BTBD9: variants seen among roughly 807,000 people sequenced by gnomAD.
The protein encoded by BTBD9 is BTB/POZ domain-containing protein 9.
A neutral mutation model predicts 64.3 loss-of-function variants in BTBD9; 49 were observed. The ratio of observed to expected loss-of-function variants is 0.76; its 90% CI spans 0.61 to 0.97. The LOEUF (loss-of-function observed/expected upper bound fraction) is 0.97. Ranked by LOEUF, BTBD9 falls within the 50% of genes least tolerant of loss-of-function variation. BTBD9 has a pLI of 0.00. For synonymous variants in BTBD9, 260 were observed against 274.7 expected, an observed-to-expected ratio of 0.95 and a Z score of 0.53; for missense variants, 598 against 762.1, an observed-to-expected ratio of 0.78 and a Z score of 2.53.
chr6:38,222,257 G>GT (rs1156925177), intron 9 of BTBD9, among the ~76,000 whole-genome samples: 1,708 of 114,252 alleles, frequency 0.015, 44 homozygotes, highest in Middle Eastern at 0.03. Context: ...TCATTCAGTT[G>GT]TTTTTTTTTT....
Position 38,465,461 on chromosome 6 carries a change from CAAAAAAAA to C in BTBD9, c.1154+112131_1154+112138del, listed in dbSNP as rs762391834. ...TGAAACCCCATCTCTACTAAAAATA[CAAAAAAAA>C]AAAAAAAAAAAATTAGCCGGGCGTG... On this transcript the variant is annotated intron_variant, in intron 6 of 10. Coordinates refer to ENST00000481247, the MANE Select transcript of BTBD9 (RefSeq NM_001099272.2). Among the ~76,000 whole-genome samples the C allele has an allele frequency of 1.6e-3, 105 of 67,494 alleles. 1 individual carries two copies. Among genetic ancestry groups the C allele is most frequent in the Admixed American group, 7.6e-4 (4 of 5,244 alleles). The allele number at this position is 67,494 out of a possible 152,430, so 44.3% of individuals were successfully genotyped here.
intron 6 of BTBD9, among the ~76,000 whole-genome samples, chr6:38,499,963 A>T (rs1772121833): frequency 6.6e-6 from 1 of 152,202 alleles, no homozygotes; most frequent in African/African-American, 2.4e-5. Context: ...TCCGTATCTT[A>T]GTTGAATACT....
intron 9 of BTBD9, among the ~76,000 whole-genome samples, chr6:38,245,285 T>C (rs1764144759): frequency 6.6e-6 from 1 of 152,166 alleles, no homozygotes; most frequent in East Asian, 1.9e-4. Flanking sequence ...CTTGGTTTTA[T>C]GAGAGGGGAT....
At chr6:38,536,501 A>G (rs893318149) in intron 6 of BTBD9, among the ~76,000 whole-genome samples, 1 of 152,186 alleles carries the variant, frequency 6.6e-6, no homozygotes, top group African/African-American at 2.4e-5. Context: ...AAAGGAAATC[A>G]GTATATCAGA....
intron 6 of BTBD9, among the ~76,000 whole-genome samples, chr6:38,370,239 G>A (rs7755429): frequency 0.67 from 102,064 of 152,108 alleles, 35,446 homozygotes; most frequent in East Asian, 0.96. Flanking sequence ...TACTCACTCA[G>A]CCTGCCTCTT....
At chr6:38,402,575 C>T (rs185807587) in intron 6 of BTBD9, among the ~76,000 whole-genome samples, 18 of 152,258 alleles carry the variant, frequency 1.2e-4, no homozygotes, top group African/African-American at 4.3e-4. Context: ...CAAGACAATT[C>T]AAAGGGGAAA....
intron 6 of BTBD9, among the ~76,000 whole-genome samples, chr6:38,362,411 A>G (rs146896219): frequency 6.6e-6 from 1 of 152,370 alleles, no homozygotes; most frequent in East Asian, 1.9e-4. Flanking sequence ...GGAATGCACT[A>G]AAATGTTTAC....
chr6:38,465,169 C>T (rs909083237), intron 6 of BTBD9, among the ~76,000 whole-genome samples: 4 of 151,778 alleles, frequency 2.6e-5, no homozygotes, highest in Non-Finnish European at 4.4e-5. Context: ...GTGGTGTGTG[C>T]CTGTAGTCCC....
At chr6:38,639,604 G>C (rs999984118) in intron 1 of BTBD9, among the ~76,000 whole-genome samples, 196 bp downstream of exon 1, 1 of 152,128 alleles carries the variant, frequency 6.6e-6, no homozygotes, top group Non-Finnish European at 1.5e-5. Flanking sequence ...GACTGCGAAC[G>C]GGACGGCTAC....
At chr6:38,517,326 A>G (rs1317587510) in intron 6 of BTBD9, among the ~76,000 whole-genome samples, 2 of 152,262 alleles carry the variant, frequency 1.3e-5, no homozygotes, top group Non-Finnish European at 2.9e-5. Context: ...CAAATACCAA[A>G]GTAATGCTAC....
intron 8 of BTBD9, among the ~76,000 whole-genome samples, chr6:38,276,475 G>C (rs1279708379): frequency 6.6e-6 from 1 of 151,894 alleles, no homozygotes; most frequent in Non-Finnish European, 1.5e-5. Flanking sequence ...TTGTGCACAT[G>C]TACCCTAAAA....
At chr6:38,503,332 C>T (rs531139134) in intron 6 of BTBD9, among the ~76,000 whole-genome samples, 7 of 152,232 alleles carry the variant, frequency 4.6e-5, no homozygotes, top group South Asian at 2.1e-4. Flanking sequence ...CTCCAGGAGA[C>T]GGCCCAGGCT....
chr6:38,628,105 A>G (rs34695044), intron 1 of BTBD9, among the ~76,000 whole-genome samples: 12,958 of 152,264 alleles, frequency 0.085, 682 homozygotes, highest in Middle Eastern at 0.18. Flanking sequence ...GGAACAAAGT[A>G]GAAGGGACAG....
At chr6:38,242,662 C>T (rs1764041374) in intron 9 of BTBD9, among the ~76,000 whole-genome samples, 1 of 152,184 alleles carries the variant, frequency 6.6e-6, no homozygotes. Flanking sequence ...AAATGTCTTC[C>T]TGTCTCCTCA....
At chr6:38,529,978 G>GTAGGGAAGTACTCTTCCCTACT (rs1773715133) in intron 6 of BTBD9, among the ~76,000 whole-genome samples, 3 of 152,152 alleles carry the variant, frequency 2.0e-5, no homozygotes, top group African/African-American at 7.2e-5. Flanking sequence ...GGACGTGTAA[G>GTAGGGAAGTACTCTTCCCTACT]TAGGGAAGAG....
intron 6 of BTBD9, among the ~76,000 whole-genome samples, chr6:38,374,297 G>GTGTATATATATATATATATATATATATA (rs1582317340): frequency 1.9e-5 from 1 of 53,724 alleles, no homozygotes; most frequent in African/African-American, 8.9e-5. Flanking sequence ...ATATATATAT[G>GTGTATATATATATATATATATATATATA]TATATATATG....
intron 6 of BTBD9, among the ~76,000 whole-genome samples, chr6:38,528,017 T>C (rs1417997700): frequency 6.6e-6 from 1 of 151,856 alleles, no homozygotes; most frequent in Admixed American, 6.6e-5. Flanking sequence ...CTGAAGAGGG[T>C]AGGAAAGACA....
chr6:38,243,979 C>G (rs1470400785), intron 9 of BTBD9, among the ~76,000 whole-genome samples: 2 of 152,036 alleles, frequency 1.3e-5, no homozygotes. Flanking sequence ...AAAACAGAGC[C>G]TTCTCATTAG....
intron 6 of BTBD9, among the ~76,000 whole-genome samples, chr6:38,447,463 T>C (rs1019379066): frequency 2.6e-5 from 4 of 152,214 alleles, no homozygotes; most frequent in African/African-American, 9.6e-5. Context: ...TGAGTTCATG[T>C]AAAGCGCACT....
Sources: gnomAD v4.1 joint callset for allele counts (sites outside exome capture counted in the v4.1 genomes callset) on GRCh38, gnomAD v4.1.1 for gene constraint, MANE v1.5 for transcripts, NCBI Gene and HGNC (gene_info 2026-07-23, HGNC 2026-07-21) for gene names.